Variants in WNT10A observed in about 807,000 individuals in gnomAD.
WNT10A encodes the protein Wnt family member 10A.
Under a neutral mutation model 36.1 loss-of-function variants are expected in WNT10A, and 37 were observed. The ratio of observed to expected loss-of-function variants is 1.02; its 90% CI spans 0.79 to 1.35. The LOEUF (loss-of-function observed/expected upper bound fraction) is 1.35, where lower values mean the gene tolerates loss of function less well. WNT10A is among the 40% of genes most tolerant of loss of function. The pLI is 0.00. For missense variants in WNT10A, 613 were observed against 601.4 expected (o/e 1.02, Z -0.20); for synonymous variants, 255 against 254.1 (o/e 1.00, Z -0.03).
At chr2:218,890,406 A>G in intron 3 of WNT10A, 43 bp downstream of exon 3, 1 of 1,598,698 alleles carries the variant, frequency 6.3e-7, no homozygotes, top group South Asian at 1.1e-5. Flanking sequence ...CTCTTTGCCT[A>G]GGGCCTACCC....
chr2:218,880,815 C>A, upstream of WNT10A: 2 of 582,036 alleles, frequency 3.4e-6, no homozygotes, highest in Non-Finnish European at 5.6e-6. This position sits in a 1 kb window ranked among gnomAD's most constrained non-coding sequence, Gnocchi z 7.7. Flanking sequence ...GGGCGGTGCC[C>A]GGGGGTGCTG....
Position 218,889,989 on chromosome 2 carries a change from C to T in WNT10A, c.382C>T (p.Arg128Ter), listed in dbSNP as rs762739726. ...YESPIFSRGFRESAFAYAIAA... is the reference protein window; with the variant it reads ...YESPIFSRGF ...TTCTGGGTCTTTAACCACAGGTTTC[C>T]GAGAGAGCGCTTTTGCCTACGCCAT... The change falls in exon 3 of 4, where the codon CGA (arginine) becomes TGA (stop). Residue 128 changes from arginine to a stop codon, truncating the protein, a stop_gained. Coordinates refer to ENST00000258411, the MANE Select transcript of WNT10A (RefSeq NM_025216.3). LOFTEE classifies it high-confidence loss of function. The T allele has an allele frequency of 4.8e-5, 77 of 1,612,660 alleles. No homozygotes were observed. Among genetic ancestry groups the T allele is most frequent in the Non-Finnish European group, 6.1e-5 (72 of 1,180,046 alleles).
At position 218,893,507 on chromosome 2, in the gene WNT10A, C is replaced by G; in HGVS notation, c.*236C>G. On this transcript the variant is annotated 3_prime_UTR_variant, in exon 4 of 4. Transcript: ENST00000258411. The surrounding 1 kb of genome is among the most constrained non-coding windows in gnomAD (Gnocchi z 6.3). Reference sequence around the variant, plus strand: ...GGACTGACTGGGTTCTTCCTCCCTCCCCGAAGCCCAGACAGTTCAGTTGGG... The same window carrying G: ...GGACTGACTGGGTTCTTCCTCCCTCGCCGAAGCCCAGACAGTTCAGTTGGG... The G allele has an allele frequency of 2.0e-6, 1 of 510,244 alleles. No homozygotes were observed. The highest frequency in any genetic ancestry group is 3.2e-6 in the Non-Finnish European group (1 of 309,386). The allele number at this position is 510,244 out of a possible 1,614,324, so 31.6% of individuals were successfully genotyped here.
Position 218,893,203 on chromosome 2 carries a change from T to G in WNT10A, c.1186T>G (p.Phe396Val). The change falls in exon 4 of 4, where the codon TTC becomes GTC. Residue 396 changes from phenylalanine to valine, a missense_variant. Phe to Val is a conservative substitution (Grantham distance 50). Transcript: ENST00000258411. This position sits in a 1 kb window ranked among gnomAD's most constrained non-coding sequence, Gnocchi z 6.3. ...GCGCAGCGAGCGCTGCCACTGCCGC[T>G]TCCACTGGTGCTGTTTCGTGGTCTG... ...QTRSERCHCR[F>V]HWCCFVVCEE... 6.3e-7 allele frequency: 1 copy of G among 1,577,238 alleles called. No homozygotes were observed. Among genetic ancestry groups the G allele is most frequent in the East Asian group, 2.3e-5 (1 of 43,960 alleles).
rs1040772324 is a variant in WNT10A at position 218,891,303 on chromosome 2, C to A, written c.756+940C>A. 4.6e-5 allele frequency among the ~76,000 whole-genome samples: 7 copies of A among 152,346 alleles called. No homozygotes were observed. In the South Asian group the frequency reaches 1.4e-3, roughly 32 times the overall value. ...CCTGTTGGCTCTCATGGTAGCTCAG[C>A]ACTGTCCTTTCCTGAGCATTCCATC... On this transcript the variant is annotated intron_variant, in intron 3 of 3. Transcript: ENST00000258411.
chr2:218,889,316 C>T (rs1402305123), intron 2 of WNT10A, among the ~76,000 whole-genome samples: 1 of 152,200 alleles, frequency 6.6e-6, no homozygotes, highest in Non-Finnish European at 1.5e-5. Context: ...TCTTTATCCA[C>T]TTGTTGGTTG....
chr2:218,875,688 AT>A, the WNT10A span, among the ~76,000 whole-genome samples: 1 of 152,274 alleles, frequency 6.6e-6, no homozygotes, highest in Non-Finnish European at 1.5e-5. Flanking sequence ...ATTTGCAGCC[AT>A]CATAATCTGT....
At chr2:218,888,421 G>C (rs1483068447) in intron 2 of WNT10A, among the ~76,000 whole-genome samples, 2 of 152,260 alleles carry the variant, frequency 1.3e-5, no homozygotes, top group East Asian at 3.8e-4. Context: ...GGCCGGCCTA[G>C]CCGCGGCCCC....
chr2:218,891,749 C>T (rs1180455174), intron 3 of WNT10A, among the ~76,000 whole-genome samples: 1 of 152,230 alleles, frequency 6.6e-6, no homozygotes, highest in East Asian at 1.9e-4. Context: ...TGCGCATGCA[C>T]GCTGTGGAGC....
chr2:218,893,273 C>T lies in WNT10A; in HGVS notation c.*2C>T, dbSNP rs1455199549. ...GAGTGGGTCAGCGTCTGCAAGTGAG[C>T]GGCCCGGGGTCCCCTGGGCCCTGAT... On this transcript the variant is annotated 3_prime_UTR_variant, in exon 4 of 4. Coordinates refer to ENST00000258411, the MANE Select transcript of WNT10A (RefSeq NM_025216.3). The surrounding 1 kb of genome is among the most constrained non-coding windows in gnomAD (Gnocchi z 6.3). The T allele has an allele frequency of 1.3e-6, 2 of 1,545,680 alleles. No individual in the cohort carries two copies. Among genetic ancestry groups the T allele is most frequent in the Non-Finnish European group, 1.7e-6 (2 of 1,151,668 alleles).
chr2:218,886,629 C>T (rs1944580678), intron 2 of WNT10A, among the ~76,000 whole-genome samples: 1 of 127,488 alleles, frequency 7.8e-6, no homozygotes, highest in Non-Finnish European at 1.7e-5. Flanking sequence ...CCGCCCCCCA[C>T]CCACCCCCCC....
upstream of WNT10A, chr2:218,880,586 C>A (rs1255625371): frequency 5.2e-6 from 1 of 193,930 alleles, no homozygotes; most frequent in Admixed American, 6.3e-5. The surrounding 1 kb of genome is among the most constrained non-coding windows in gnomAD (Gnocchi z 7.7). Context: ...GCCGCCCCCG[C>A]CAGCCAGCCT....
chr2:218,886,079 A>C (rs1042412586), intron 2 of WNT10A, among the ~76,000 whole-genome samples: 2 of 152,170 alleles, frequency 1.3e-5, no homozygotes, highest in African/African-American at 2.4e-5. Context: ...GCTGACTTTA[A>C]AGTTTGCACC....
chr2:218,878,630 T>C (rs1167231809), upstream of WNT10A, among the ~76,000 whole-genome samples: 1 of 151,948 alleles, frequency 6.6e-6, no homozygotes, highest in East Asian at 1.9e-4. The surrounding 1 kb of genome is among the most constrained non-coding windows in gnomAD (Gnocchi z 4.1). Flanking sequence ...CTGATTCAAC[T>C]TCATGGGGCC....
At chr2:218,883,740 C>A in intron 2 of WNT10A, 1 of 151,584 alleles carries the variant, frequency 6.6e-6, no homozygotes, top group Admixed American at 6.6e-5. Context: ...CCCGCCCCCT[C>A]CCGCCCCACC....
At chr2:218,881,260 C>A in intron 1 of WNT10A, 152 bp downstream of exon 1, 4 of 1,190,680 alleles carry the variant, frequency 3.4e-6, no homozygotes, top group Non-Finnish European at 4.9e-6. Flanking sequence ...CAGTGAGCTC[C>A]CTCATAGGAG....
At chr2:218,879,067 T>TCCCCCCCACCCCCCCCC (rs1944479314), upstream of WNT10A, among the ~76,000 whole-genome samples, 1 of 138,982 alleles carries the variant, frequency 7.2e-6, no homozygotes, top group African/African-American at 2.9e-5. Flanking sequence ...GCCAGACTGC[T>TCCCCCCCACCCCCCCCC]CCCCCCCCAC....
upstream of WNT10A, among the ~76,000 whole-genome samples, chr2:218,875,926 C>T (rs1944449682): frequency 6.6e-6 from 1 of 152,186 alleles, no homozygotes; most frequent in Non-Finnish European, 1.5e-5. Flanking sequence ...GCTTTTATAC[C>T]AGGGAAGTCC....
chr2:218,887,083 G>A (rs1399085978), intron 2 of WNT10A, among the ~76,000 whole-genome samples: 1 of 152,170 alleles, frequency 6.6e-6, no homozygotes, highest in Non-Finnish European at 1.5e-5. Flanking sequence ...CAGACAAGTC[G>A]ATAGGAACTA....
Sources: gnomAD v4.1 joint callset for allele counts (sites outside exome capture counted in the v4.1 genomes callset) on GRCh38, gnomAD v4.1.1 for gene constraint, Gnocchi (gnomAD v3.1) non-coding constraint, MANE v1.5 for transcripts, NCBI Gene and HGNC (gene_info 2026-07-23, HGNC 2026-07-21) for gene names.